The following HDX variants were observed in gnomAD, a reference collection of about 807,000 sequenced individuals.
The protein encoded by HDX is highly divergent homeobox, also known as chromosome X open reading frame 43.
HDX carries 19 observed loss-of-function variants against 45.2 expected under a neutral mutation model. The ratio of observed to expected loss-of-function variants is 0.42; its 90% CI spans 0.29 to 0.62. The LOEUF (loss-of-function observed/expected upper bound fraction) is 0.62, where lower values mean the gene tolerates loss of function less well. Among genes scored for constraint, HDX ranks in the 20% least tolerant of loss-of-function variants. The pLI, the probability that HDX is intolerant of heterozygous loss-of-function variation, is 0.20. For missense variants in HDX, 532 were observed against 493.9 expected (o/e 1.08, Z -0.73); for synonymous variants, 188 against 172.8 (o/e 1.09, Z -0.69).
intron 2 of HDX, among the ~76,000 whole-genome samples, chrX:84,486,157 C>T (rs1264863750): frequency 1.8e-5 from 2 of 110,006 alleles, no homozygotes; most frequent in East Asian, 5.6e-4. Context: ...TTTTGGTATT[C>T]TGTTTTAATT....
chrX:84,441,005 CAG>C (rs199730166), intron 4 of HDX, among the ~76,000 whole-genome samples: 24,993 of 110,157 alleles, frequency 0.23, 2,250 homozygotes, highest in Non-Finnish European at 0.29. Context: ...TCTGAAACTG[CAG>C]AGAGTACTGA....
At chrX:84,341,621 C>T (rs2147793705) in intron 7 of HDX, among the ~76,000 whole-genome samples, 1 of 110,576 alleles carries the variant, frequency 9.0e-6, no homozygotes. Flanking sequence ...ACACCAAATT[C>T]AATGGCTTTC....
At chrX:84,374,633 A>C (rs2037993899) in intron 5 of HDX, among the ~76,000 whole-genome samples, 1 of 105,647 alleles carries the variant, frequency 9.5e-6, no homozygotes, top group East Asian at 3.0e-4. Flanking sequence ...GAGAAAAACA[A>C]GCAATGGGGA....
chrX:84,367,127 T>C, intron 5 of HDX, among the ~76,000 whole-genome samples: 1 of 108,812 alleles, frequency 9.2e-6, no homozygotes. Context: ...ATCCAGAATC[T>C]ACAAAGAACT....
In HDX at chrX:84,469,530, C is replaced by G. The variant is rs2040417310; in HGVS notation, c.193G>C (p.Glu65Gln). The G allele has an allele frequency of 2.5e-6, 3 of 1,204,811 alleles. No homozygotes were observed. The highest frequency in any genetic ancestry group is 3.4e-6 in the Non-Finnish European group (3 of 891,328). ...GTTCCTGTTGTTGCTGTTCCAGATT[C>G]AGAGTTCTTACTACTCATCTTTCTT... ...KRRKMSSKNS[E>Q]SGTATTGTSL... The change falls in exon 4 of 11, where the codon GAA (glutamate) becomes CAA (glutamine). Residue 65 changes from glutamate (E) to glutamine (Q), a missense_variant. Glu to Gln is a conservative substitution (Grantham distance 29, BLOSUM62 2). Coordinates refer to ENST00000373177, the MANE Select transcript of HDX (RefSeq NM_001177479.2).
intron 5 of HDX, among the ~76,000 whole-genome samples, chrX:84,377,606 C>G (rs1162998519): frequency 2.7e-5 from 3 of 110,766 alleles, no homozygotes; most frequent in Non-Finnish European, 5.7e-5. Context: ...AATTGATATA[C>G]CAAAGAATGC....
At chrX:84,466,047 C>T (rs1048493770) in intron 4 of HDX, among the ~76,000 whole-genome samples, 1 of 111,940 alleles carries the variant, frequency 8.9e-6, no homozygotes, top group Non-Finnish European at 1.9e-5. Flanking sequence ...TTACACAGGT[C>T]TGATATAGTA....
At chrX:84,495,341 G>T (rs148617020) in intron 1 of HDX, among the ~76,000 whole-genome samples, 147 of 110,901 alleles carry the variant, frequency 1.3e-3, no homozygotes, top group African/African-American at 4.6e-3. Flanking sequence ...TAAGAGAGTG[G>T]ATTTTACATG....
chrX:84,376,158 A>G (rs2038051327), intron 5 of HDX, among the ~76,000 whole-genome samples: 1 of 112,050 alleles, frequency 8.9e-6, no homozygotes, highest in Admixed American at 9.4e-5. Flanking sequence ...TGCCTTGCAG[A>G]AAAGGACCTA....
intron 5 of HDX, among the ~76,000 whole-genome samples, chrX:84,412,924 G>C (rs749056332): frequency 1.4e-4 from 16 of 112,055 alleles, no homozygotes; most frequent in Non-Finnish European, 2.4e-4. Context: ...TCTTTCCTCA[G>C]CTTGGTCTAT....
intron 5 of HDX, among the ~76,000 whole-genome samples, chrX:84,374,311 T>C (rs1474805325): frequency 1.8e-5 from 2 of 108,478 alleles, no homozygotes; most frequent in Non-Finnish European, 1.9e-5. Flanking sequence ...GAAGAATAAA[T>C]ATCGTGAAAA....
At chrX:84,423,628 A>T (rs759876499) in intron 5 of HDX, among the ~76,000 whole-genome samples, 5 of 111,558 alleles carry the variant, frequency 4.5e-5, no homozygotes, top group Non-Finnish European at 9.4e-5. Flanking sequence ...ACCAAGTGAG[A>T]TTTACCCCTA....
intron 1 of HDX, among the ~76,000 whole-genome samples, chrX:84,489,261 G>A (rs1361907515): frequency 9.0e-6 from 1 of 111,489 alleles, no homozygotes; most frequent in African/African-American, 3.3e-5. Flanking sequence ...ATGGAAAGTT[G>A]GATTAAAATC....
At chrX:84,345,141 C>A (rs1438778339) in intron 6 of HDX, among the ~76,000 whole-genome samples, 2 of 111,287 alleles carry the variant, frequency 1.8e-5, no homozygotes, top group African/African-American at 6.5e-5. Context: ...GTAATGAAAT[C>A]ATTTTAGAGT....
intron 9 of HDX, among the ~76,000 whole-genome samples, chrX:84,328,259 C>A (rs1267446064): frequency 9.0e-6 from 1 of 110,602 alleles, no homozygotes; most frequent in Non-Finnish European, 1.9e-5. Context: ...ATAGTCCCAG[C>A]TATTCAGGAG....
intron 5 of HDX, among the ~76,000 whole-genome samples, chrX:84,389,814 G>A (rs4132153): frequency 0.018 from 2,025 of 110,403 alleles, 45 homozygotes; most frequent in East Asian, 0.13. Flanking sequence ...CCTTTAAGCC[G>A]TTTAAAGGCA....
At chrX:84,370,266 G>T (rs747581854) in intron 5 of HDX, among the ~76,000 whole-genome samples, 1 of 111,528 alleles carries the variant, frequency 9.0e-6, no homozygotes, top group Non-Finnish European at 1.9e-5. Context: ...GGCTTTCCTC[G>T]TTCGCAGGCC....
chrX:84,369,400 A>T (rs1188342719), intron 5 of HDX, among the ~76,000 whole-genome samples: 1 of 112,116 alleles, frequency 8.9e-6, no homozygotes, highest in African/African-American at 3.2e-5. Flanking sequence ...ATCTTTTCAA[A>T]ACCCTGTTTT....
intron 4 of HDX, among the ~76,000 whole-genome samples, chrX:84,460,466 A>G (rs998989016): frequency 3.6e-5 from 4 of 112,187 alleles, no homozygotes; most frequent in Non-Finnish European, 3.8e-5. Flanking sequence ...ATTGATGCTG[A>G]AAATGATTTG....
Sources: gnomAD v4.1 joint callset for allele counts (sites outside exome capture counted in the v4.1 genomes callset) on GRCh38, gnomAD v4.1.1 for gene constraint, MANE v1.5 for transcripts, NCBI Gene and HGNC (gene_info 2026-07-23, HGNC 2026-07-21) for gene names.